NEGR1: variants seen among roughly 807,000 people sequenced by gnomAD.
The protein encoded by NEGR1 is IgLON family member 4.
Under a neutral mutation model 40.9 loss-of-function variants are expected in NEGR1, and 10 were observed. That is an observed-to-expected ratio of 0.24 (90% confidence interval 0.15 to 0.42). The LOEUF is 0.42. Ranked by LOEUF, NEGR1 falls within the 10% of genes least tolerant of loss-of-function variation. NEGR1 has a pLI of 1.00. For synonymous variants in NEGR1, 185 were observed against 166.8 expected (o/e 1.11, Z -0.84); for missense variants, 352 against 438.9 (o/e 0.80, Z 1.77).
At chr1:71,828,733 A>C (rs2101787231) in intron 2 of NEGR1, among the ~76,000 whole-genome samples, 1 of 152,080 alleles carries the variant, frequency 6.6e-6, no homozygotes. Flanking sequence ...CTAGCAAGGT[A>C]CACCTGCTGT....
At chr1:72,088,812 T>C (rs1648335965) in intron 1 of NEGR1, among the ~76,000 whole-genome samples, 1 of 140,360 alleles carries the variant, frequency 7.1e-6, no homozygotes, top group African/African-American at 2.7e-5. Context: ...TTTTTTTTTT[T>C]TTTTTTTTTT....
intron 1 of NEGR1, among the ~76,000 whole-genome samples, chr1:72,252,621 C>G (rs1655140318): frequency 1.3e-5 from 2 of 151,976 alleles, no homozygotes; most frequent in African/African-American, 4.8e-5. Context: ...ACTTTAGAAA[C>G]ATTTGCAAAG....
intron 2 of NEGR1, among the ~76,000 whole-genome samples, chr1:71,831,826 G>A (rs1422856123): frequency 6.6e-6 from 1 of 151,724 alleles, no homozygotes; most frequent in Non-Finnish European, 1.5e-5. Context: ...AACGCAATGA[G>A]GCAAGAATGA....
chr1:71,849,952 G>A (rs1557676496), intron 2 of NEGR1, among the ~76,000 whole-genome samples: 1 of 152,074 alleles, frequency 6.6e-6, no homozygotes, highest in Non-Finnish European at 1.5e-5. Flanking sequence ...ATGTGAAAAT[G>A]TGCCACCAAT....
intron 2 of NEGR1, among the ~76,000 whole-genome samples, chr1:71,870,607 A>C (rs2101832584): frequency 6.6e-6 from 1 of 152,278 alleles, no homozygotes; most frequent in Admixed American, 6.5e-5. Flanking sequence ...TCATATTCCT[A>C]ATTCCAGAAT....
At chr1:71,627,434 C>T (rs77687181) in intron 4 of NEGR1, among the ~76,000 whole-genome samples, 4,243 of 152,072 alleles carry the variant, frequency 0.028, 165 homozygotes, top group African/African-American at 0.09. Context: ...CTATGACTCC[C>T]ACCAATATAT....
chr1:71,597,609 C>T (rs142929120), intron 5 of NEGR1, among the ~76,000 whole-genome samples: 193 of 151,444 alleles, frequency 1.3e-3, no homozygotes, highest in African/African-American at 4.5e-3. Context: ...CTGAAGTAAT[C>T]TCATACTAAA....
intron 1 of NEGR1, among the ~76,000 whole-genome samples, chr1:72,093,317 T>G (rs1648565580): frequency 1.3e-5 from 1 of 78,694 alleles, no homozygotes; most frequent in Non-Finnish European, 2.3e-5. Flanking sequence ...GTGCCAGAGC[T>G]AGACTCTGCC....
chr1:71,836,168 C>T (rs113758431), intron 2 of NEGR1, among the ~76,000 whole-genome samples: 23 of 152,066 alleles, frequency 1.5e-4, no homozygotes, highest in African/African-American at 5.1e-4. Context: ...GTTAAATCTA[C>T]ACTTTATTTT....
At chr1:72,095,927 C>T (rs2100232082) in intron 1 of NEGR1, among the ~76,000 whole-genome samples, 1 of 152,188 alleles carries the variant, frequency 6.6e-6, no homozygotes, top group African/African-American at 2.4e-5. Context: ...TAATCTCTGC[C>T]TTCCTCACTC....
chr1:72,098,700 A>T (rs889239982), intron 1 of NEGR1, among the ~76,000 whole-genome samples: 1 of 152,094 alleles, frequency 6.6e-6, no homozygotes, highest in Non-Finnish European at 1.5e-5. Context: ...GTTTTTCCTT[A>T]CTGAACTAAA....
chr1:71,534,380 A>G (rs1453864042), intron 6 of NEGR1, among the ~76,000 whole-genome samples: 6 of 151,656 alleles, frequency 4.0e-5, no homozygotes, highest in African/African-American at 1.5e-4. Context: ...TAAAGTTTAC[A>G]TGTGTCCCGT....
At chr1:71,719,108 C>T (rs1654370317) in intron 3 of NEGR1, among the ~76,000 whole-genome samples, 1 of 152,058 alleles carries the variant, frequency 6.6e-6, no homozygotes. Context: ...TTCTACAGCA[C>T]TTTATATTTT....
At chr1:72,069,478 G>C (rs1186712095) in intron 1 of NEGR1, among the ~76,000 whole-genome samples, 1 of 151,888 alleles carries the variant, frequency 6.6e-6, no homozygotes, top group East Asian at 1.9e-4. Context: ...CTTATTATAA[G>C]TATGAATTTT....
chr1:71,524,530 A>G (rs1223341946), intron 6 of NEGR1, among the ~76,000 whole-genome samples: 1 of 151,768 alleles, frequency 6.6e-6, no homozygotes, highest in Non-Finnish European at 1.5e-5. Flanking sequence ...TTACCTGAAT[A>G]TTGGAAAAAT....
chr1:72,135,830 T>A (rs1557544571), intron 1 of NEGR1, among the ~76,000 whole-genome samples: 1 of 152,210 alleles, frequency 6.6e-6, no homozygotes, highest in Non-Finnish European at 1.5e-5. Context: ...GTATCACATC[T>A]ACATGCAATA....
At chr1:71,656,862 T>C (rs959562907) in intron 4 of NEGR1, among the ~76,000 whole-genome samples, 4 of 151,740 alleles carry the variant, frequency 2.6e-5, no homozygotes, top group Non-Finnish European at 5.9e-5. Context: ...TGTTAGGCTC[T>C]GGGATATTTT....
At chr1:72,014,923 C>T (rs770786397) in intron 1 of NEGR1, among the ~76,000 whole-genome samples, 1 of 151,952 alleles carries the variant, frequency 6.6e-6, no homozygotes, top group African/African-American at 2.4e-5. Context: ...AGAAAGTATT[C>T]TTTCATAAAG....
intron 2 of NEGR1, among the ~76,000 whole-genome samples, chr1:71,919,061 C>G (rs1661683800): frequency 6.6e-6 from 1 of 152,138 alleles, no homozygotes; most frequent in African/African-American, 2.4e-5. Flanking sequence ...CTCACATTCA[C>G]AAGTTGAATG....
Sources: allele counts gnomAD v4.1 joint callset (sites outside exome capture counted in the v4.1 genomes callset), GRCh38; gene constraint gnomAD v4.1.1; transcripts MANE v1.5; gene names NCBI Gene and HGNC (gene_info 2026-07-23, HGNC 2026-07-21).